Variants in RNASEL observed in about 807,000 individuals in gnomAD.
The protein encoded by RNASEL is ribonuclease L, also known as 2-5A-dependent ribonuclease.
A neutral mutation model predicts 50.9 loss-of-function variants in RNASEL; 36 were observed. The ratio of observed to expected loss-of-function variants is 0.71; its 90% CI spans 0.54 to 0.93. RNASEL has a LOEUF of 0.93. Among genes scored for constraint, RNASEL ranks in the 40% least tolerant of loss-of-function variants. The pLI is 0.00. For synonymous variants in RNASEL, 335 were observed against 335.6 expected, an observed-to-expected ratio of 1.00 and a Z score of 0.02; for missense variants, 860 against 894.5, an observed-to-expected ratio of 0.96 and a Z score of 0.49.
intron 5 of RNASEL, among the ~76,000 whole-genome samples, chr1:182,580,975 G>A (rs1019947782): frequency 6.6e-6 from 1 of 152,180 alleles, no homozygotes; most frequent in African/African-American, 2.4e-5. Flanking sequence ...CCATCCAGGG[G>A]GAGCCTGAAT....
intron 6 of RNASEL, 66 bp from the exon 7 acceptor site, chr1:182,575,644 T>G (rs996564539): frequency 6.3e-7 from 1 of 1,586,040 alleles, no homozygotes; most frequent in Non-Finnish European, 8.6e-7. Context: ...TCACAGCATA[T>G]GGCCCTGAAG....
In RNASEL at chr1:182,582,146, T is replaced by C. The variant is rs1345972839; in HGVS notation, c.1679A>G (p.Lys560Arg). 1 of 1,614,198 alleles carries C rather than the reference T, an allele frequency of 6.2e-7. No individual in the cohort carries two copies. The highest frequency in any genetic ancestry group is 8.5e-7 in the Non-Finnish European group (1 of 1,180,002). Residue 560 changes from lysine (K) to arginine (R), a missense_variant, in exon 4 of 7, where the codon AAG becomes AGG. Coordinates refer to ENST00000367559, the MANE Select transcript of RNASEL (RefSeq NM_021133.4). ...ATGGAAGAGACGATGAATGAGGTCC[T>C]TAGTTTCCTCATCTGGAGAAAGTTG... ...VVQLSPDEET[K>R]DLIHRLFHPG...
intron 5 of RNASEL, among the ~76,000 whole-genome samples, chr1:182,580,507 C>T (rs1661472201): frequency 6.6e-6 from 1 of 152,236 alleles, no homozygotes; most frequent in South Asian, 2.1e-4. Flanking sequence ...CATCCCACAG[C>T]ATCATTTCCA....
At chr1:182,584,793 T>C (rs1310157280) in intron 2 of RNASEL, among the ~76,000 whole-genome samples, 1 of 152,174 alleles carries the variant, frequency 6.6e-6, no homozygotes, top group Admixed American at 6.5e-5. Context: ...CCGCACCATA[T>C]TGCTTCCTGG....
At chr1:182,582,537 G>T (rs566092892) in intron 3 of RNASEL, among the ~76,000 whole-genome samples, 108 of 152,292 alleles carry the variant, frequency 7.1e-4, no homozygotes, top group African/African-American at 2.2e-3. Flanking sequence ...GGCCTCAAAT[G>T]TATGGACAGA....
intron 4 of RNASEL, among the ~76,000 whole-genome samples, chr1:182,581,731 C>T (rs1167453545): frequency 3.3e-5 from 5 of 152,106 alleles, no homozygotes; most frequent in Admixed American, 6.5e-5. Context: ...CCACCCGCCT[C>T]GGCCTCCCAA....
rs914365131 is a variant in RNASEL, at chr1:182,574,839, CTGAA to C, written c.*549_*552del. On this transcript the variant is annotated 3_prime_UTR_variant, in exon 7 of 7. Coordinates refer to ENST00000367559, the MANE Select transcript of RNASEL (RefSeq NM_021133.4). ...ACTTATACTAGATGCTCAATAAATA[CTGAA>C]TGAATGAATGAGATTCCTGGAACCC... The C allele has an allele frequency of 2.5e-5, 6 of 235,956 alleles. No homozygotes were observed. The highest frequency in any genetic ancestry group is 4.2e-5 in the Non-Finnish European group (5 of 120,430). 14.6% of individuals were successfully genotyped at this position (235,956 alleles called of 1,614,324 possible). A position where few individuals can be genotyped will look rare whatever the true frequency, so the allele number is the denominator to read the frequency against.
chr1:182,586,153 C>T lies in RNASEL; in HGVS notation c.654G>A (p.Val218=). The T allele has an allele frequency of 6.2e-7, 1 of 1,614,176 alleles. No homozygotes were observed. The highest frequency in any genetic ancestry group is 8.5e-7 in the Non-Finnish European group (1 of 1,180,040). ...HALLSSDDSD[V]EAITHLLLDH... The stretch of plus-strand genomic sequence containing the variant: ...CCAGCAGCAGATGCGTAATAGCCTC[C>T]ACATCACTATCGTCAGAGCTCAGGA... The change falls in exon 2 of 7, where the codon GTG becomes GTA. Residue 218 remains valine (V), a synonymous_variant. Transcript: ENST00000367559.
At chr1:182,587,250 T>C (rs1661618229) in intron 1 of RNASEL, among the ~76,000 whole-genome samples, 1 of 152,166 alleles carries the variant, frequency 6.6e-6, no homozygotes. Flanking sequence ...CTACTTCCTT[T>C]CATTTAATAC....
chr1:182,581,451 T>C, intron 4 of RNASEL, 94 bp from the exon 5 acceptor site: 1 of 1,450,544 alleles, frequency 6.9e-7, no homozygotes, highest in African/African-American at 1.4e-5. Context: ...TGGTGTTTTT[T>C]GTGCTTTCTT....
chr1:182,588,423 A>G (rs1456330043), intron 1 of RNASEL, among the ~76,000 whole-genome samples: 1 of 152,216 alleles, frequency 6.6e-6, no homozygotes, highest in African/African-American at 2.4e-5. Context: ...TTATGAAAAA[A>G]TAAATTGCTT....
Position 182,574,977 on chromosome 1 carries a change from G to A in RNASEL, c.*415C>T, listed in dbSNP as rs542262251. ...ACCACATAAATTTATAAAGTGCTAG[G>A]TATAAATTGAATAATCTTGGGCCAG... On this transcript the variant is annotated 3_prime_UTR_variant, in exon 7 of 7. Transcript: ENST00000367559. 2 of 303,668 alleles carry A rather than the reference G, an allele frequency of 6.6e-6. No homozygotes were observed. Among genetic ancestry groups the A allele is most frequent in the South Asian group, 1.3e-4 (2 of 15,290 alleles). The allele number at this position is 303,668 out of a possible 1,614,324, so 18.8% of individuals were successfully genotyped here. A position where few individuals can be genotyped will look rare whatever the true frequency, so the allele number is the denominator to read the frequency against.
chr1:182,582,839 G>A (rs937994918), intron 3 of RNASEL, among the ~76,000 whole-genome samples: 28 of 152,150 alleles, frequency 1.8e-4, no homozygotes, highest in African/African-American at 6.8e-4. Context: ...CTCACCCACT[G>A]GGTTGAAAGT....
chr1:182,583,981 C>T, intron 3 of RNASEL, 100 bp downstream of exon 3: 3 of 851,098 alleles, frequency 3.5e-6, no homozygotes, highest in Middle Eastern at 2.2e-4. Context: ...TTCATATATA[C>T]ATATGTCCTA....
At position 182,573,965 on chromosome 1, in the gene RNASEL, T is replaced by C. The variant is rs1001398265; in HGVS notation, c.*1427A>G. The C allele has an allele frequency of 1.0e-5, 2 of 199,696 alleles. No individual in the cohort carries two copies. The highest frequency in any genetic ancestry group is 2.1e-5 in the Non-Finnish European group (2 of 96,782). The allele number at this position is 199,696 out of a possible 1,614,324, so 12.4% of individuals were successfully genotyped here. On this transcript the variant is annotated 3_prime_UTR_variant, in exon 7 of 7. Coordinates refer to ENST00000367559, the MANE Select transcript of RNASEL (RefSeq NM_021133.4). ...ACCAGAAAATTTGTTCAAATCAAGA[T>C]AGTAACACTTCCTAGCTATACGTCC...
At chr1:182,578,746 A>G (rs950769724) in intron 5 of RNASEL, 3 of 152,160 alleles carry the variant, frequency 2.0e-5, no homozygotes, top group African/African-American at 7.2e-5. Flanking sequence ...GAGCCACTGC[A>G]CTCAGCCCAA....
intron 1 of RNASEL, 110 bp from the exon 2 acceptor site, chr1:182,587,080 A>G (rs1257610836): frequency 3.9e-6 from 1 of 259,206 alleles, no homozygotes; most frequent in African/African-American, 2.2e-5. Flanking sequence ...TATTTCTTAT[A>G]AAACTTTTAA....
At chr1:182,578,387 CA>C (rs1350783399) in intron 5 of RNASEL, 1 of 152,204 alleles carries the variant, frequency 6.6e-6, no homozygotes, top group Non-Finnish European at 1.5e-5. Flanking sequence ...AAATGCTTAA[CA>C]TCACTAATCA....
In RNASEL at chr1:182,576,277, A is replaced by T; in HGVS notation, c.2018T>A (p.Ile673Asn). ...LKFIRNLGEH[I>N]DEEKHKKMKL... The stretch of plus-strand genomic sequence containing the variant: ...TTACTTTTTATGCTTTTCTTCATCA[A>T]TGTGTTCTCCCAAATTCCGGATGAA... Residue 673 changes from isoleucine (I) to asparagine (N), a missense_variant, in exon 6 of 7, where the codon ATT (isoleucine) becomes AAT (asparagine). By Grantham distance (149) the Ile-to-Asn change is moderately radical. Transcript: ENST00000367559. The T allele has an allele frequency of 6.2e-7, 1 of 1,612,122 alleles. No homozygotes were observed. Among genetic ancestry groups the T allele is most frequent in the East Asian group, 2.2e-5 (1 of 44,752 alleles).
Sources: allele counts gnomAD v4.1 joint callset (sites outside exome capture counted in the v4.1 genomes callset), GRCh38; gene constraint gnomAD v4.1.1; transcripts MANE v1.5; gene names NCBI Gene and HGNC (gene_info 2026-07-23, HGNC 2026-07-21).